Variants in RNGTT observed in about 807,000 individuals in gnomAD.
RNGTT encodes RNA guanylyltransferase and 5'-phosphatase, also known as mRNA-capping enzyme.
Under a neutral mutation model 79.3 loss-of-function variants are expected in RNGTT, and 33 were observed. The observed-to-expected ratio is 0.42, with a 90% CI of 0.32 to 0.56. RNGTT has a LOEUF of 0.56. Among genes scored for constraint, RNGTT ranks in the 20% least tolerant of loss-of-function variants. RNGTT has a pLI of 0.17. For missense variants in RNGTT, 497 were observed against 739.1 expected (o/e 0.67, Z 3.80); for synonymous variants, 222 against 235.9 (o/e 0.94, Z 0.54).
At chr6:88,685,333 A>G (rs1446952551) in intron 13 of RNGTT, among the ~76,000 whole-genome samples, 1 of 152,208 alleles carries the variant, frequency 6.6e-6, no homozygotes, top group African/African-American at 2.4e-5. Context: ...ATTGTAACAA[A>G]TGTACCACAC....
chr6:88,782,564 CT>C (rs1779099607), intron 12 of RNGTT, among the ~76,000 whole-genome samples: 1 of 150,720 alleles, frequency 6.6e-6, no homozygotes, highest in Non-Finnish European at 1.5e-5. Context: ...CTATATCAAA[CT>C]AAAAACCTTC....
At chr6:88,716,884 G>T (rs1404720033) in intron 13 of RNGTT, among the ~76,000 whole-genome samples, 1 of 152,040 alleles carries the variant, frequency 6.6e-6, no homozygotes, top group African/African-American at 2.4e-5. Context: ...GAGTTACTGG[G>T]TGCAGCACAC....
At chr6:88,804,037 T>G (rs924055295) in intron 11 of RNGTT, among the ~76,000 whole-genome samples, 4 of 152,220 alleles carry the variant, frequency 2.6e-5, no homozygotes, top group Non-Finnish European at 5.9e-5. Context: ...TCACCTATCA[T>G]GTATCAAAGA....
At chr6:88,629,355 C>T (rs1772757913) in intron 14 of RNGTT, among the ~76,000 whole-genome samples, 1 of 152,124 alleles carries the variant, frequency 6.6e-6, no homozygotes. Context: ...AAAAAAGATG[C>T]AAACATAAAA....
Position 88,766,684 on chromosome 6 carries a change from G to A in RNGTT, c.1439+3090C>T, listed in dbSNP as rs145955880. ...AATCTAACAGAAATCTATACTATTA[G>A]CACCTCATTAAAGTCAAACTCAAAA... On this transcript the variant is annotated intron_variant, in intron 13 of 15. Coordinates refer to ENST00000369485, the MANE Select transcript of RNGTT (RefSeq NM_003800.5). 1.7e-3 allele frequency among the ~76,000 whole-genome samples: 266 copies of A among 152,102 alleles called. 1 individual carries two copies. Among genetic ancestry groups the A allele is most frequent in the African/African-American group, 6.2e-3 (256 of 41,532 alleles).
At chr6:88,952,853 A>G (rs1041749778) in intron 1 of RNGTT, among the ~76,000 whole-genome samples, 2 of 152,208 alleles carry the variant, frequency 1.3e-5, no homozygotes, top group Non-Finnish European at 1.5e-5. Flanking sequence ...GACTAGAACC[A>G]GAAGAGCAAT....
At chr6:88,831,095 A>G (rs1360770047) in intron 11 of RNGTT, among the ~76,000 whole-genome samples, 1 of 152,218 alleles carries the variant, frequency 6.6e-6, no homozygotes, top group Non-Finnish European at 1.5e-5. Flanking sequence ...TTATGAGGCC[A>G]GCATCATCCT....
At chr6:88,661,570 TAGAGG>T (rs1774185310) in intron 14 of RNGTT, among the ~76,000 whole-genome samples, 1 of 151,964 alleles carries the variant, frequency 6.6e-6, no homozygotes, top group African/African-American at 2.4e-5. Flanking sequence ...CTAGAAAACC[TAGAGG>T]AGAGGGATAA....
chr6:88,617,353 T>C (rs1231086223), intron 14 of RNGTT, among the ~76,000 whole-genome samples: 1 of 152,208 alleles, frequency 6.6e-6, no homozygotes, highest in Non-Finnish European at 1.5e-5. Context: ...TTGTGTTAAT[T>C]TTTGTATATG....
intron 14 of RNGTT, among the ~76,000 whole-genome samples, chr6:88,647,641 G>A (rs1554200956): frequency 1.4e-5 from 2 of 145,442 alleles, no homozygotes; most frequent in East Asian, 2.0e-4. Context: ...GAGCCTGAAA[G>A]TTTGAGGCTG....
intron 8 of RNGTT, among the ~76,000 whole-genome samples, chr6:88,866,119 G>C (rs1782156598): frequency 6.6e-6 from 1 of 152,130 alleles, no homozygotes; most frequent in Admixed American, 6.6e-5. Context: ...TTTTTGAAAA[G>C]AATTGTCAAG....
chr6:88,800,177 A>C (rs762449123), intron 12 of RNGTT, among the ~76,000 whole-genome samples: 10 of 152,216 alleles, frequency 6.6e-5, no homozygotes, highest in Non-Finnish European at 1.3e-4. Context: ...CTTTACATGC[A>C]TAGGTTGAAT....
intron 14 of RNGTT, among the ~76,000 whole-genome samples, chr6:88,668,723 G>C (rs1310886457): frequency 6.6e-6 from 1 of 152,118 alleles, no homozygotes; most frequent in Non-Finnish European, 1.5e-5. Context: ...CTGAGGACTG[G>C]TGGGGACTCA....
chr6:88,633,672 C>CAT (rs1013814110), intron 14 of RNGTT, among the ~76,000 whole-genome samples: 5 of 151,962 alleles, frequency 3.3e-5, no homozygotes, highest in African/African-American at 7.3e-5. Flanking sequence ...TCCAATTCTG[C>CAT]ATATATATAT....
intron 14 of RNGTT, among the ~76,000 whole-genome samples, chr6:88,642,782 A>G (rs1773373065): frequency 6.6e-6 from 1 of 152,228 alleles, no homozygotes; most frequent in African/African-American, 2.4e-5. Context: ...ACTAGAAGGT[A>G]TAATATGTCT....
At chr6:88,881,679 A>G (rs1782697879) in intron 8 of RNGTT, among the ~76,000 whole-genome samples, 1 of 152,200 alleles carries the variant, frequency 6.6e-6, no homozygotes, top group African/African-American at 2.4e-5. Context: ...CTCTTGGATG[A>G]AATAAGGTAC....
At chr6:88,904,440 C>T (rs770622712) in intron 6 of RNGTT, among the ~76,000 whole-genome samples, 1 of 151,898 alleles carries the variant, frequency 6.6e-6, no homozygotes, top group African/African-American at 2.4e-5. Flanking sequence ...ATTAGCCAGT[C>T]GTGTTGGCAC....
Position 88,923,512 on chromosome 6 carries a change from AT to A in RNGTT, c.367+5472del, listed in dbSNP as rs1253573360. ...ATCCTTGACACTAACAGACATTATAATTTTTTTTTCCAAGAAGGAAAAGTTT... is the reference window on the plus strand; with the variant it reads ...ATCCTTGACACTAACAGACATTATAATTTTTTTTCCAAGAAGGAAAAGTTT... On this transcript the variant is annotated intron_variant, in intron 4 of 15. Transcript: ENST00000369485. 5.9e-5 allele frequency among the ~76,000 whole-genome samples: 9 copies of A among 151,764 alleles called. No individual in the cohort carries two copies. In the South Asian group the frequency reaches 8.3e-4, roughly 14 times the overall value.
intron 12 of RNGTT, among the ~76,000 whole-genome samples, chr6:88,780,202 T>C (rs1779018528): frequency 6.6e-6 from 1 of 152,094 alleles, no homozygotes; most frequent in Non-Finnish European, 1.5e-5. Context: ...TTTAATAAAA[T>C]AATTAAAAAT....
Sources: gnomAD v4.1 joint callset for allele counts (sites outside exome capture counted in the v4.1 genomes callset) on GRCh38, gnomAD v4.1.1 for gene constraint, MANE v1.5 for transcripts, NCBI Gene and HGNC (gene_info 2026-07-23, HGNC 2026-07-21) for gene names.